The following EPHB2 variants were observed in gnomAD, a reference collection of about 807,000 sequenced individuals.
The protein encoded by EPHB2 is ephrin type-B receptor 2.
In EPHB2, 18 loss-of-function variants were observed where a neutral mutation model predicts 96.4. The ratio of observed to expected loss-of-function variants is 0.19; its 90% CI spans 0.13 to 0.28. The LOEUF (loss-of-function observed/expected upper bound fraction) is 0.28. Ranked by LOEUF, EPHB2 falls within the 10% of genes least tolerant of loss-of-function variation. The pLI is 1.00. For synonymous variants in EPHB2, 506 were observed against 534.1 expected, an observed-to-expected ratio of 0.95 and a Z score of 0.72; for missense variants, 989 against 1,355.4, an observed-to-expected ratio of 0.73 and a Z score of 4.25.
intron 3 of EPHB2, among the ~76,000 whole-genome samples, chr1:22,842,125 C>T (rs1007236058): frequency 6.6e-6 from 1 of 151,966 alleles, no homozygotes; most frequent in Non-Finnish European, 1.5e-5. Flanking sequence ...TCTCTTTCAA[C>T]TTTTTGCCAA....
chr1:22,713,975 C>G (rs1643228090), intron 1 of EPHB2, among the ~76,000 whole-genome samples: 1 of 152,200 alleles, frequency 6.6e-6, no homozygotes, highest in Non-Finnish European at 1.5e-5. Flanking sequence ...GGGAAACGTC[C>G]AACAGGACAG....
At chr1:22,872,915 C>T (rs1296707688) in intron 5 of EPHB2, among the ~76,000 whole-genome samples, 7 of 152,178 alleles carry the variant, frequency 4.6e-5, no homozygotes, top group African/African-American at 7.2e-5. Context: ...CCACGAGGTT[C>T]GAGAGGGAGA....
chr1:22,783,551 C>T (rs1414053459), intron 2 of EPHB2, among the ~76,000 whole-genome samples: 1 of 152,188 alleles, frequency 6.6e-6, no homozygotes, highest in African/African-American at 2.4e-5. Flanking sequence ...GAGCCTGCTG[C>T]AGAGGAGACC....
intron 1 of EPHB2, among the ~76,000 whole-genome samples, chr1:22,756,098 C>T (rs988665969): frequency 4.6e-5 from 7 of 151,954 alleles, no homozygotes; most frequent in Admixed American, 6.5e-5. Flanking sequence ...ATAGCTGAGC[C>T]GAGGGCTTCT....
intron 3 of EPHB2, among the ~76,000 whole-genome samples, chr1:22,843,410 A>G (rs949399889): frequency 6.6e-6 from 1 of 152,174 alleles, no homozygotes; most frequent in African/African-American, 2.4e-5. Flanking sequence ...ATTGCATGTC[A>G]TGGGGATTTG....
chr1:22,912,878 T>C, intron 15 of EPHB2: 1 of 456,118 alleles, frequency 2.2e-6, no homozygotes, highest in South Asian at 2.0e-5. Context: ...GAGGGAGATA[T>C]AAAGGAAGCG....
intron 1 of EPHB2, among the ~76,000 whole-genome samples, chr1:22,764,763 G>A (rs961150840): frequency 9.2e-5 from 14 of 152,166 alleles, no homozygotes; most frequent in African/African-American, 2.9e-4. Flanking sequence ...GACTGCTGAG[G>A]CCACTCTCTC....
chr1:22,712,174 T>G (rs552963744), intron 1 of EPHB2, among the ~76,000 whole-genome samples: 1 of 152,298 alleles, frequency 6.6e-6, no homozygotes, highest in Non-Finnish European at 1.5e-5. Context: ...AAATACACCT[T>G]CCGGGGAAGA....
At chr1:22,832,724 CAG>C (rs1400089023) in intron 3 of EPHB2, among the ~76,000 whole-genome samples, 7 of 152,200 alleles carry the variant, frequency 4.6e-5, no homozygotes, top group Admixed American at 3.9e-4. Context: ...AGACATTTAT[CAG>C]AGTGTTTATC....
intron 3 of EPHB2, among the ~76,000 whole-genome samples, chr1:22,847,646 C>T (rs1645563029): frequency 6.6e-6 from 1 of 152,144 alleles, no homozygotes; most frequent in African/African-American, 2.4e-5. Flanking sequence ...GGCACCAGGG[C>T]TATGTGGCCA....
intron 5 of EPHB2, among the ~76,000 whole-genome samples, chr1:22,866,033 C>T (rs1638463285): frequency 6.6e-6 from 1 of 150,784 alleles, no homozygotes; most frequent in South Asian, 2.1e-4. Context: ...CTCCTAGCCT[C>T]CCCTCTCTAC....
At chr1:22,823,477 C>A (rs1455674015) in intron 3 of EPHB2, among the ~76,000 whole-genome samples, 1 of 152,098 alleles carries the variant, frequency 6.6e-6, no homozygotes, top group Non-Finnish European at 1.5e-5. Flanking sequence ...CAAAATGCTT[C>A]CTGTGTGTAT....
At chr1:22,711,144 C>T (rs538857563) in intron 1 of EPHB2, 101 bp downstream of exon 1, 1 of 145,852 alleles carries the variant, frequency 6.9e-6, no homozygotes, top group East Asian at 2.1e-4. Flanking sequence ...AAAGTTTGCC[C>T]GGGGGCCGGC....
intron 1 of EPHB2, among the ~76,000 whole-genome samples, chr1:22,727,340 A>G (rs75818239): frequency 3.3e-3 from 502 of 152,384 alleles, no homozygotes; most frequent in Non-Finnish European, 5.3e-3. Context: ...GGACAAGGGC[A>G]GAGTGAACGA....
intron 3 of EPHB2, among the ~76,000 whole-genome samples, chr1:22,798,484 A>G (rs2148443889): frequency 6.6e-6 from 1 of 150,770 alleles, no homozygotes; most frequent in South Asian, 2.1e-4. Context: ...AACATAAACC[A>G]CTATAGTTTC....
intron 3 of EPHB2, among the ~76,000 whole-genome samples, chr1:22,805,116 C>G (rs1195383632): frequency 6.6e-6 from 1 of 151,838 alleles, no homozygotes; most frequent in African/African-American, 2.4e-5. Context: ...CCCCCACCAC[C>G]TCCCAGGGCT....
In EPHB2 at chr1:22,784,091, T is replaced by C. The variant is rs1403733479; in HGVS notation, c.127-301T>C. ...GAGCTCCCTAAGTGGGGAAGGGTTC[T>C]CCCTATTTTCCCCTTCCAGGTGGGA... On this transcript the variant is annotated intron_variant, in intron 2 of 15. Transcript: ENST00000374630. This position sits in a 1 kb window ranked among gnomAD's most constrained non-coding sequence, Gnocchi z 5.1. Among the ~76,000 whole-genome samples, 2 of 152,146 alleles carry C rather than the reference T, an allele frequency of 1.3e-5. No individual in the cohort carries two copies. The highest frequency in any genetic ancestry group is 1.3e-4 in the Admixed American group (2 of 15,288).
chr1:22,795,471 G>A (rs929136302), intron 3 of EPHB2, among the ~76,000 whole-genome samples: 1 of 10,242 alleles, frequency 9.8e-5, no homozygotes, highest in African/African-American at 2.1e-4. Flanking sequence ...TTTCCGTTTT[G>A]TTTTGTTTTG....
intron 1 of EPHB2, among the ~76,000 whole-genome samples, chr1:22,727,810 A>C (rs1470135): frequency 0.4 from 56,040 of 140,402 alleles, 12,435 homozygotes; most frequent in East Asian, 0.82. Context: ...AAAAAAAAAA[A>C]CTTTTTTTTT....
Sources: allele counts gnomAD v4.1 joint callset (sites outside exome capture counted in the v4.1 genomes callset), GRCh38; gene constraint gnomAD v4.1.1; non-coding constraint Gnocchi (gnomAD v3.1); transcripts MANE v1.5; gene names NCBI Gene and HGNC (gene_info 2026-07-23, HGNC 2026-07-21).